The following ZDHHC21 variants were observed in gnomAD, a reference collection of about 807,000 sequenced individuals.
ZDHHC21 encodes palmitoyltransferase ZDHHC21.
In ZDHHC21, 15 loss-of-function variants were observed where a neutral mutation model predicts 34.6. The observed-to-expected ratio is 0.43, with a 90% CI of 0.29 to 0.67. The LOEUF is 0.67. Among genes scored for constraint, ZDHHC21 ranks in the 30% least tolerant of loss-of-function variants. The pLI is 0.14. For synonymous variants in ZDHHC21, 142 were observed against 101.8 expected (o/e 1.40, Z -2.38); for missense variants, 344 against 327.7 (o/e 1.05, Z -0.38).
At chr9:14,596,825 A>G in the ZDHHC21 span, among the ~76,000 whole-genome samples, 2 of 152,178 alleles carry the variant, frequency 1.3e-5, no homozygotes, top group Admixed American at 6.5e-5. Flanking sequence ...GAAAGGGCCT[A>G]AACAGTGAGT....
intron 3 of ZDHHC21, among the ~76,000 whole-genome samples, chr9:14,679,504 A>C (rs1215478836): frequency 6.6e-6 from 1 of 152,204 alleles, no homozygotes; most frequent in Admixed American, 6.5e-5. Flanking sequence ...AAAAGACTGC[A>C]AGAAAACAGA....
the ZDHHC21 span, among the ~76,000 whole-genome samples, chr9:14,602,629 GACAA>G: frequency 6.6e-5 from 10 of 152,124 alleles, no homozygotes; most frequent in Non-Finnish European, 1.3e-4. Flanking sequence ...ATCCCCATCA[GACAA>G]ACAGATTTGT....
chr9:14,654,396 T>TC (rs976671358), intron 7 of ZDHHC21, among the ~76,000 whole-genome samples: 9 of 32,206 alleles, frequency 2.8e-4, no homozygotes, highest in African/African-American at 4.6e-4. Flanking sequence ...TTATATCCTA[T>TC]CAAAAAAAAA....
At chr9:14,660,689 T>A (rs1833230032) in intron 6 of ZDHHC21, among the ~76,000 whole-genome samples, 1 of 152,104 alleles carries the variant, frequency 6.6e-6, no homozygotes, top group Non-Finnish European at 1.5e-5. Flanking sequence ...AAAAGTTGAC[T>A]AAAACTATGG....
At chr9:14,670,335 G>A (rs1835225774) in intron 5 of ZDHHC21, among the ~76,000 whole-genome samples, 2 of 152,046 alleles carry the variant, frequency 1.3e-5, no homozygotes, top group African/African-American at 4.8e-5. Flanking sequence ...ACAGTCTGCA[G>A]GCAAATCCAG....
chr9:14,633,247 A>T (rs1827665075), intron 8 of ZDHHC21, among the ~76,000 whole-genome samples: 1 of 152,188 alleles, frequency 6.6e-6, no homozygotes. Context: ...GAATGGAAAC[A>T]CCATCCTAAA....
chr9:14,664,724 C>G (rs1180091122), intron 5 of ZDHHC21, among the ~76,000 whole-genome samples: 2 of 151,992 alleles, frequency 1.3e-5, no homozygotes, highest in Admixed American at 1.3e-4. Flanking sequence ...GGAGGCACCC[C>G]CCAGCAGGGG....
intron 6 of ZDHHC21, 81 bp downstream of exon 6, chr9:14,662,134 G>T (rs2133946174): frequency 1.1e-6 from 1 of 888,724 alleles, no homozygotes; most frequent in Non-Finnish European, 1.7e-6. Context: ...TAACATAACT[G>T]TTGTTTAAAG....
intron 2 of ZDHHC21, among the ~76,000 whole-genome samples, chr9:14,686,233 A>G (rs1214824042): frequency 6.6e-6 from 1 of 152,116 alleles, no homozygotes; most frequent in Non-Finnish European, 1.5e-5. Flanking sequence ...TAAAAAAAGA[A>G]AGAAGAAATT....
At chr9:14,645,487 T>C (rs1420806498) in intron 7 of ZDHHC21, among the ~76,000 whole-genome samples, 3 of 152,046 alleles carry the variant, frequency 2.0e-5, no homozygotes, top group Non-Finnish European at 2.9e-5. Context: ...CAGAAAAATA[T>C]AGTACCTAGA....
At chr9:14,665,341 G>C (rs1477336857) in intron 5 of ZDHHC21, among the ~76,000 whole-genome samples, 1 of 139,684 alleles carries the variant, frequency 7.2e-6, no homozygotes, top group East Asian at 2.1e-4. Flanking sequence ...AGAAATATGG[G>C]ATTATGTGAA....
downstream of ZDHHC21, among the ~76,000 whole-genome samples, chr9:14,609,607 G>T (rs2133352582): frequency 6.6e-6 from 1 of 152,072 alleles, no homozygotes; most frequent in East Asian, 1.9e-4. Flanking sequence ...TAATATTAAT[G>T]AATTTAATTT....
intron 8 of ZDHHC21, among the ~76,000 whole-genome samples, chr9:14,631,038 A>C (rs951628303): frequency 1.3e-5 from 2 of 152,174 alleles, no homozygotes; most frequent in Non-Finnish European, 2.9e-5. Context: ...GTAACAAGAG[A>C]GTCAGTCTGT....
chr9:14,676,204 A>G (rs942385516), intron 3 of ZDHHC21, among the ~76,000 whole-genome samples: 2 of 152,032 alleles, frequency 1.3e-5, no homozygotes, highest in African/African-American at 4.8e-5. Context: ...GTTTGCAGAA[A>G]GGAGCAACTG....
chr9:14,607,557 A>C (rs184351155), downstream of ZDHHC21, among the ~76,000 whole-genome samples: 136 of 145,438 alleles, frequency 9.4e-4, no homozygotes, highest in African/African-American at 3.2e-3. Context: ...GGAGGGTGGG[A>C]GTGAAGATTT....
At chr9:14,675,799 A>C (rs901016484) in intron 3 of ZDHHC21, among the ~76,000 whole-genome samples, 2 of 151,998 alleles carry the variant, frequency 1.3e-5, no homozygotes, top group African/African-American at 4.8e-5. Flanking sequence ...TAAACGAGGA[A>C]TCAAGTAAGA....
At chr9:14,641,599 C>A (rs1829394290) in intron 7 of ZDHHC21, among the ~76,000 whole-genome samples, 1 of 152,092 alleles carries the variant, frequency 6.6e-6, no homozygotes, top group African/African-American at 2.4e-5. Flanking sequence ...CGTCAAACAT[C>A]TACCAGCCAC....
chr9:14,596,741 C>G, the ZDHHC21 span, among the ~76,000 whole-genome samples: 1 of 152,116 alleles, frequency 6.6e-6, no homozygotes, highest in Admixed American at 6.5e-5. Flanking sequence ...TAACAGAGAA[C>G]AAAATATCCC....
chr9:14,633,825 C>T (rs956632184), intron 8 of ZDHHC21, among the ~76,000 whole-genome samples: 40 of 152,304 alleles, frequency 2.6e-4, no homozygotes, highest in Middle Eastern at 3.4e-3. Context: ...ATCCCCAGCC[C>T]GCTGCATACA....
Sources: gnomAD v4.1 joint callset for allele counts (sites outside exome capture counted in the v4.1 genomes callset) on GRCh38, gnomAD v4.1.1 for gene constraint, MANE v1.5 for transcripts, NCBI Gene and HGNC (gene_info 2026-07-23, HGNC 2026-07-21) for gene names.